Variants in TRIM67 observed in about 807,000 individuals in gnomAD.
TRIM67 encodes tripartite motif-containing protein 67.
TRIM67 carries 39 observed loss-of-function variants against 71.0 expected under a neutral mutation model. The ratio of observed to expected loss-of-function variants is 0.55; its 90% CI spans 0.43 to 0.72. The LOEUF is 0.72. TRIM67 is among the 30% of genes least tolerant of loss of function. The pLI is 0.00. For missense variants in TRIM67, 973 were observed against 1,079.2 expected (o/e 0.90, Z 1.38); for synonymous variants, 481 against 473.9 (o/e 1.01, Z -0.19).
chr1:231,218,767 A>G lies in TRIM67; in HGVS notation c.*3327A>G. The G allele has an allele frequency of 3.0e-6, 3 of 985,390 alleles. No homozygotes were observed. Among genetic ancestry groups the G allele is most frequent in the Non-Finnish European group, 3.6e-6 (3 of 829,930 alleles). 61.0% of individuals were successfully genotyped at this position (985,390 alleles called of 1,614,324 possible). A position where few individuals can be genotyped will look rare whatever the true frequency, so the allele number is the denominator to read the frequency against. ...GCCCTAGGTGCCCTATGGCCCACCA[A>G]GTTTGAGGAGGGTGGTGCTTTCCGG... On this transcript the variant is annotated 3_prime_UTR_variant, in exon 10 of 10. Coordinates refer to ENST00000366653, the MANE Select transcript of TRIM67 (RefSeq NM_001004342.5).
intron 3 of TRIM67, 37 bp from the exon 4 acceptor site, chr1:231,200,111 C>A: frequency 1.3e-6 from 2 of 1,499,616 alleles, no homozygotes; most frequent in South Asian, 1.1e-5. Flanking sequence ...TTCTTCCTCT[C>A]ATGAGACAGT....
intron 1 of TRIM67, among the ~76,000 whole-genome samples, chr1:231,169,490 CTG>C (rs1682567280): frequency 1.4e-5 from 2 of 146,546 alleles, no homozygotes; most frequent in African/African-American, 2.5e-5. Flanking sequence ...AGTGATTCTC[CTG>C]CCTCAGCCTC....
intron 1 of TRIM67, among the ~76,000 whole-genome samples, chr1:231,182,851 C>CG (rs1357222966): frequency 6.6e-6 from 1 of 152,226 alleles, no homozygotes. Flanking sequence ...AAGAAGCCCC[C>CG]GTGTGCCTGC....
At chr1:231,186,013 G>A in intron 1 of TRIM67, 1 of 1,361,838 alleles carries the variant, frequency 7.3e-7, no homozygotes, top group South Asian at 1.2e-5. Context: ...TGGAAGATAG[G>A]TGCTTGGGTT....
chr1:231,201,256 C>A, intron 4 of TRIM67, 102 bp from the exon 5 acceptor site: 1 of 1,294,566 alleles, frequency 7.7e-7, no homozygotes, highest in Non-Finnish European at 1.0e-6. Flanking sequence ...CCTTTTCTGT[C>A]TCTGAGTCCC....
In TRIM67 at chr1:231,163,018, C is replaced by G; in HGVS notation, c.49C>G (p.Pro17Ala). 2 of 1,612,794 alleles carry G rather than the reference C, an allele frequency of 1.2e-6. No homozygotes were observed. The highest frequency in any genetic ancestry group is 1.7e-6 in the Non-Finnish European group (2 of 1,179,394). ...CPVCGSLFRE[P>A]IILPCSHNVC... is the part of the protein sequence containing the mutation. ...CGTGTGCGGCTCTCTGTTTCGGGAG[C>G]CTATCATCCTGCCCTGTTCCCACAA... Residue 17 changes from proline (P) to alanine (A), a missense_variant, in exon 1 of 10, where the codon CCT becomes GCT. This residue lies in a region of TRIM67 where 795 missense variants were observed against 831.3 expected (regional missense o/e 0.96). Coordinates refer to ENST00000366653, the MANE Select transcript of TRIM67 (RefSeq NM_001004342.5).
At chr1:231,201,579 G>A in intron 5 of TRIM67, 62 bp downstream of exon 5, 1 of 1,553,168 alleles carries the variant, frequency 6.4e-7, no homozygotes, top group Non-Finnish European at 8.7e-7. Flanking sequence ...GCAGTCTGAG[G>A]GGCCAGCTCG....
rs1318265010 is a variant in TRIM67, at chr1:231,209,827, C to T, written c.2123+577C>T. Among the ~76,000 whole-genome samples, 1 of 152,148 alleles carries T rather than the reference C, an allele frequency of 6.6e-6. No homozygotes were observed. Among genetic ancestry groups the T allele is most frequent in the African/African-American group, 2.4e-5 (1 of 41,436 alleles). ...AGCTGTGGCTTTGCCCTGAGACTGG[C>T]CCTGGGAGTAGGGTCACCAGCATGG... On this transcript the variant is annotated intron_variant, in intron 8 of 9. Transcript: ENST00000366653. This position sits in a 1 kb window ranked among gnomAD's most constrained non-coding sequence, Gnocchi z 4.1.
intron 1 of TRIM67, among the ~76,000 whole-genome samples, chr1:231,176,142 T>G (rs1682741021): frequency 6.6e-6 from 1 of 152,188 alleles, no homozygotes; most frequent in South Asian, 2.1e-4. Context: ...TTCCATATTA[T>G]CCAGTCAAAA....
In TRIM67 at chr1:231,220,932, A is replaced by G. The variant is rs1020723369; in HGVS notation, c.*5492A>G. ...AGGTTCGGGAAGGTGACTGCTTGCA[A>G]CTGCAGTAGCAGGAACATGTCAGGT... On this transcript the variant is annotated 3_prime_UTR_variant, in exon 10 of 10. Coordinates refer to ENST00000366653, the MANE Select transcript of TRIM67 (RefSeq NM_001004342.5). 2.0e-5 allele frequency: 3 copies of G among 152,326 alleles called. No homozygotes were observed. Among genetic ancestry groups the G allele is most frequent in the African/African-American group, 4.8e-5 (2 of 41,450 alleles). 9.4% of individuals were successfully genotyped at this position (152,326 alleles called of 1,614,324 possible). A position where few individuals can be genotyped will look rare whatever the true frequency, so the allele number is the denominator to read the frequency against.
In TRIM67 at chr1:231,163,298, G is replaced by A; in HGVS notation, c.329G>A (p.Ser110Asn). 2 of 1,518,396 alleles carry A rather than the reference G, an allele frequency of 1.3e-6. No individual in the cohort carries two copies. Among genetic ancestry groups the A allele is most frequent in the Non-Finnish European group, 1.8e-6 (2 of 1,132,352 alleles). 94.1% of individuals were successfully genotyped at this position (1,518,396 alleles called of 1,614,324 possible). Residue 110 changes from serine to asparagine, a missense_variant, in exon 1 of 10, where the codon AGC becomes AAC. By Grantham distance (46) the Ser-to-Asn change is conservative. Around this residue, in one of 2 missense-constraint regions of TRIM67, gnomAD observed 795 missense variants for 831.3 expected, o/e 0.96. Coordinates refer to ENST00000366653, the MANE Select transcript of TRIM67 (RefSeq NM_001004342.5). ...DKLSLYSETDSGYGSYTPSLK... is the reference protein window; with the variant it reads ...DKLSLYSETDNGYGSYTPSLK... ...CTCAGCTTGTACAGCGAGACAGACA[G>A]CGGCTACGGGTCCTACACCCCGAGC...
chr1:231,200,041 G>A, intron 3 of TRIM67, 107 bp from the exon 4 acceptor site: 1 of 796,100 alleles, frequency 1.3e-6, no homozygotes, highest in Non-Finnish European at 2.2e-6. Context: ...GTCCAGGCCA[G>A]CGCCGCCTCT....
At chr1:231,180,434 G>T (rs1440582483) in intron 1 of TRIM67, among the ~76,000 whole-genome samples, 3 of 152,046 alleles carry the variant, frequency 2.0e-5, no homozygotes, top group Non-Finnish European at 2.9e-5. Context: ...AACATATGAA[G>T]CCAGGATACT....
Position 231,218,081 on chromosome 1 carries a change from A to T in TRIM67, c.*2641A>T. The T allele has an allele frequency of 9.0e-7, 1 of 1,112,250 alleles. No individual in the cohort carries two copies. Among genetic ancestry groups the T allele is most frequent in the Non-Finnish European group, 1.1e-6 (1 of 897,864 alleles). The allele number at this position is 1,112,250 out of a possible 1,614,324, so 68.9% of individuals were successfully genotyped here. On this transcript the variant is annotated 3_prime_UTR_variant, in exon 10 of 10. Transcript: ENST00000366653. ...AGCACAAAACACCTTCAATGTTCTG[A>T]CTTCAAAGAGAACGACAGGTCCGTG...
intron 2 of TRIM67, among the ~76,000 whole-genome samples, chr1:231,197,808 A>G (rs1363386439): frequency 6.6e-6 from 1 of 152,166 alleles, no homozygotes; most frequent in Non-Finnish European, 1.5e-5. Context: ...TTGGGCAACA[A>G]GAGAGAAAGT....
Position 231,217,324 on chromosome 1 carries a change from C to G in TRIM67, c.*1884C>G. 1 of 986,208 alleles carries G rather than the reference C, an allele frequency of 1.0e-6. No homozygotes were observed. The highest frequency in any genetic ancestry group is 1.2e-6 in the Non-Finnish European group (1 of 830,450). 61.1% of individuals were successfully genotyped at this position (986,208 alleles called of 1,614,324 possible). On this transcript the variant is annotated 3_prime_UTR_variant, in exon 10 of 10. Transcript: ENST00000366653. Reference sequence around the variant, plus strand: ...GTCTTGCCTCTTCCTTGTCATCTCACCAAGCGGTTTCTGGGTCTCCTCCTC... The same window carrying G: ...GTCTTGCCTCTTCCTTGTCATCTCAGCAAGCGGTTTCTGGGTCTCCTCCTC...
At chr1:231,198,907 G>A in intron 2 of TRIM67, 140 bp from the exon 3 acceptor site, 1 of 1,340,140 alleles carries the variant, frequency 7.5e-7, no homozygotes, top group Non-Finnish European at 1.0e-6. Context: ...TATAAATATT[G>A]TCTCTAATTT....
intron 1 of TRIM67, among the ~76,000 whole-genome samples, chr1:231,194,974 C>A (rs1439622146): frequency 6.6e-6 from 1 of 152,188 alleles, no homozygotes; most frequent in African/African-American, 2.4e-5. Context: ...AAGCAATTCT[C>A]CTGCCTCTGC....
intron 8 of TRIM67, among the ~76,000 whole-genome samples, chr1:231,211,753 G>C (rs1259917548): frequency 1.3e-5 from 2 of 152,192 alleles, no homozygotes; most frequent in Non-Finnish European, 1.5e-5. Context: ...TTTCTTAGCA[G>C]AGTGGCGCTG....
Sources: allele counts gnomAD v4.1 joint callset (sites outside exome capture counted in the v4.1 genomes callset), GRCh38; gene constraint gnomAD v4.1.1; regional missense constraint gnomAD v4.1.1; non-coding constraint Gnocchi (gnomAD v3.1); transcripts MANE v1.5; gene names NCBI Gene and HGNC (gene_info 2026-07-23, HGNC 2026-07-21).